ZNF462: variants seen among roughly 807,000 people sequenced by gnomAD.
The protein encoded by ZNF462 is zinc finger protein 462.
A neutral mutation model predicts 201.9 loss-of-function variants in ZNF462; 10 were observed. The ratio of observed to expected loss-of-function variants is 0.05; its 90% CI spans 0.03 to 0.08. ZNF462 has a LOEUF of 0.08. Ranked by LOEUF, ZNF462 falls within the 10% of genes least tolerant of loss-of-function variation. The pLI, the probability that ZNF462 is intolerant of heterozygous loss-of-function variation, is 1.00. For synonymous variants in ZNF462, 1,227 were observed against 1,193.3 expected (o/e 1.03, Z -0.58); for missense variants, 2,523 against 3,168.3 (o/e 0.80, Z 4.89).
chr9:107,009,753 A>G lies in ZNF462; in HGVS notation c.7313+85A>G. ...GGGCTCTTGTTTTGGTTCCCCTGAC[A>G]GTATGTACACCCCTCTGTGTCACAT... On this transcript the variant is annotated intron_variant, in intron 12 of 12. Transcript: ENST00000277225. The surrounding 1 kb of genome is among the most constrained non-coding windows in gnomAD (Gnocchi z 6.1). The G allele has an allele frequency of 6.3e-7, 1 of 1,575,158 alleles. No individual in the cohort carries two copies. The highest frequency in any genetic ancestry group is 1.2e-5 in the South Asian group (1 of 85,292).
chr9:106,910,375 T>TTTTG (rs1564091881), intron 1 of ZNF462, among the ~76,000 whole-genome samples: 42 of 132,664 alleles, frequency 3.2e-4, no homozygotes, highest in African/African-American at 1.4e-3. Flanking sequence ...TTTTTTTTTT[T>TTTTG]TTTTTTTTTT....
intron 1 of ZNF462, among the ~76,000 whole-genome samples, chr9:106,893,492 G>A (rs537323135): frequency 8.5e-5 from 13 of 152,256 alleles, no homozygotes; most frequent in African/African-American, 3.1e-4. Flanking sequence ...AAAGGACATG[G>A]TAAATATTTG....
chr9:106,969,434 C>T (rs771372900), intron 7 of ZNF462, among the ~76,000 whole-genome samples: 4 of 151,698 alleles, frequency 2.6e-5, no homozygotes, highest in Non-Finnish European at 4.4e-5. Context: ...TGCAATAGGC[C>T]CTAGAGACAA....
At chr9:106,987,894 T>C (rs982610959) in intron 10 of ZNF462, among the ~76,000 whole-genome samples, 5 of 152,192 alleles carry the variant, frequency 3.3e-5, no homozygotes, top group African/African-American at 1.2e-4. Context: ...TAGCCAATTA[T>C]CCCAGCACCA....
At position 106,966,856 on chromosome 9, in the gene ZNF462, A is replaced by G. The variant is rs12350828; in HGVS notation, c.6428-5149A>G. 0.28 allele frequency among the ~76,000 whole-genome samples: 41,935 copies of G among 152,030 alleles called. 9,063 individuals carry two copies. Among genetic ancestry groups the G allele is most frequent in the African/African-American group, 0.61 (25,239 of 41,410 alleles). On this transcript the variant is annotated intron_variant, in intron 7 of 12. Coordinates refer to ENST00000277225, the MANE Select transcript of ZNF462 (RefSeq NM_021224.6). The surrounding 1 kb of genome is among the most constrained non-coding windows in gnomAD (Gnocchi z 4.4). Reference sequence around the variant, plus strand: ...CAACAAGCCTGTCTTCCAAGTCTGCACAAAAATCTAGCTCAAATATAATTA... The same window carrying G: ...CAACAAGCCTGTCTTCCAAGTCTGCGCAAAAATCTAGCTCAAATATAATTA...
At chr9:106,995,771 C>T (rs374186803) in intron 10 of ZNF462, 14 of 152,158 alleles carry the variant, frequency 9.2e-5, no homozygotes, top group African/African-American at 3.4e-4. Flanking sequence ...TTTATTCTCT[C>T]ATTAACAAGC....
chr9:106,995,822 T>A (rs1438864204), intron 10 of ZNF462: 6 of 152,294 alleles, frequency 3.9e-5, no homozygotes, highest in South Asian at 4.1e-4. Context: ...GCAATTTTTT[T>A]ATTATTATTA....
rs115016753 is a variant in ZNF462 at position 106,895,876 on chromosome 9, C to G, written c.-30-27478C>G. Reference sequence around the variant, plus strand: ...GTTCATGGAATTATTCATAGACAAACCATTCAGTCTGGTTATGATGTTCAC... The same window carrying G: ...GTTCATGGAATTATTCATAGACAAAGCATTCAGTCTGGTTATGATGTTCAC... On this transcript the variant is annotated intron_variant, in intron 1 of 12. Coordinates refer to ENST00000277225, the MANE Select transcript of ZNF462 (RefSeq NM_021224.6). The surrounding 1 kb of genome is among the most constrained non-coding windows in gnomAD (Gnocchi z 4.4). 2.7e-3 allele frequency among the ~76,000 whole-genome samples: 413 copies of G among 152,186 alleles called. 1 individual carries two copies. Among genetic ancestry groups the G allele is most frequent in the African/African-American group, 9.5e-3 (393 of 41,508 alleles).
chr9:106,967,532 G>T (rs1265344586), intron 7 of ZNF462, among the ~76,000 whole-genome samples: 1 of 151,962 alleles, frequency 6.6e-6, no homozygotes, highest in Non-Finnish European at 1.5e-5. Flanking sequence ...ATTTCTCCAG[G>T]AACATGAAAA....
intron 7 of ZNF462, among the ~76,000 whole-genome samples, chr9:106,959,791 C>CA (rs1831745993): frequency 1.3e-5 from 2 of 152,046 alleles, no homozygotes; most frequent in African/African-American, 4.8e-5. Flanking sequence ...CTGGCTAAGA[C>CA]AGTGAAAGGT....
rs960658093 is a variant in ZNF462, at chr9:106,917,797, T to C, written c.-30-5557T>C. 4.6e-5 allele frequency among the ~76,000 whole-genome samples: 7 copies of C among 152,038 alleles called. No individual in the cohort carries two copies. Among genetic ancestry groups the C allele is most frequent in the Non-Finnish European group, 1.0e-4 (7 of 68,002 alleles). ...ATGCTATGGGATTGTTGGAGGTAGC[T>C]TGTTGTTGGAAGTTGCTTGTTGGTT... On this transcript the variant is annotated intron_variant, in intron 1 of 12. Transcript: ENST00000277225. This position sits in a 1 kb window ranked among gnomAD's most constrained non-coding sequence, Gnocchi z 4.5.
rs1009438783 is a variant in ZNF462 at position 106,883,678 on chromosome 9, C to T, written c.-31+20323C>T. 1.3e-4 allele frequency among the ~76,000 whole-genome samples: 20 copies of T among 152,184 alleles called. No individual in the cohort carries two copies. Among genetic ancestry groups the T allele is most frequent in the African/African-American group, 4.6e-4 (19 of 41,452 alleles). ...TGTGTTATTATTTTTGTATTGTAAA[C>T]AGGGGATTAGTAAATCTTTTCCTCT... On this transcript the variant is annotated intron_variant, in intron 1 of 12. Coordinates refer to ENST00000277225, the MANE Select transcript of ZNF462 (RefSeq NM_021224.6). This position sits in a 1 kb window ranked among gnomAD's most constrained non-coding sequence, Gnocchi z 4.9.
chr9:106,908,939 ATAT>A (rs1829417284), intron 1 of ZNF462, among the ~76,000 whole-genome samples: 1 of 29,960 alleles, frequency 3.3e-5, no homozygotes, highest in Non-Finnish European at 5.3e-5. Context: ...ATATATATAT[ATAT>A]TTTTTTTTTT....
At chr9:106,941,830 A>C (rs1830884751) in intron 7 of ZNF462, among the ~76,000 whole-genome samples, 1 of 152,192 alleles carries the variant, frequency 6.6e-6, no homozygotes, top group Non-Finnish European at 1.5e-5. Flanking sequence ...GGGCAGGCCC[A>C]AAGTGGGAAG....
Position 106,974,246 on chromosome 9 carries a change from A to G in ZNF462, c.6805A>G (p.Met2269Val). 6.2e-7 allele frequency: 1 copy of G among 1,614,074 alleles called. No homozygotes were observed. The highest frequency in any genetic ancestry group is 8.5e-7 in the Non-Finnish European group (1 of 1,179,984). The part of the protein sequence containing the change: ...CLYHTKYKRN[M>V]IDHIVLHREE... ...CTATCACACCAAATACAAGCGCAAC[A>G]TGATTGACCACATCGTGCTGCACCG... Residue 2269 changes from methionine (M) to valine (V), a missense_variant, in exon 9 of 13, where the codon ATG (methionine) becomes GTG (valine). Transcript: ENST00000277225. The surrounding 1 kb of genome is among the most constrained non-coding windows in gnomAD (Gnocchi z 4.0).
chr9:106,906,034 G>C (rs1829257253), intron 1 of ZNF462, among the ~76,000 whole-genome samples: 2 of 152,156 alleles, frequency 1.3e-5, no homozygotes, highest in South Asian at 4.2e-4. Context: ...GGCAGGAATG[G>C]GCCGCTTGGG....
chr9:106,910,321 T>C (rs1381956562), intron 1 of ZNF462, among the ~76,000 whole-genome samples: 2 of 151,566 alleles, frequency 1.3e-5, no homozygotes, highest in Non-Finnish European at 2.9e-5. Flanking sequence ...ATGGGTCGTT[T>C]CCATGCTACA....
At chr9:106,940,693 AC>A (rs1395443027) in intron 7 of ZNF462, among the ~76,000 whole-genome samples, 3 of 152,044 alleles carry the variant, frequency 2.0e-5, no homozygotes, top group Non-Finnish European at 4.4e-5. Flanking sequence ...TAATGAAGTG[AC>A]CACACAATCT....
rs1011024947 is a variant in ZNF462 at position 106,885,655 on chromosome 9, C to A, written c.-31+22300C>A. Among the ~76,000 whole-genome samples, 3 of 152,182 alleles carry A rather than the reference C, an allele frequency of 2.0e-5. No individual in the cohort carries two copies. The highest frequency in any genetic ancestry group is 7.2e-5 in the African/African-American group (3 of 41,446). ...GTTGCTGAAAAGTGACTCAGATCAC[C>A]GTGGCAAACAATCCTGTCCAGTTCC... On this transcript the variant is annotated intron_variant, in intron 1 of 12. Transcript: ENST00000277225. This position sits in a 1 kb window ranked among gnomAD's most constrained non-coding sequence, Gnocchi z 4.1.
Sources: allele counts gnomAD v4.1 joint callset (sites outside exome capture counted in the v4.1 genomes callset), GRCh38; gene constraint gnomAD v4.1.1; non-coding constraint Gnocchi (gnomAD v3.1); transcripts MANE v1.5; gene names NCBI Gene and HGNC (gene_info 2026-07-23, HGNC 2026-07-21).